The following POLD3 variants were observed in gnomAD, a reference collection of about 807,000 sequenced individuals.
POLD3 encodes the protein DNA polymerase delta 3, accessory subunit.
In POLD3, 19 loss-of-function variants were observed where a neutral mutation model predicts 58.2. That is an observed-to-expected ratio of 0.33 (90% CI 0.23 to 0.48). The LOEUF (loss-of-function observed/expected upper bound fraction) is 0.48. Among genes scored for constraint, POLD3 ranks in the 20% least tolerant of loss-of-function variants. The probability of loss-of-function intolerance (pLI) is 0.99; values close to 1 mark genes in which losing one functional copy is unlikely to be tolerated. For synonymous variants in POLD3, 172 were observed against 193.5 expected (o/e 0.89, Z 0.92); for missense variants, 504 against 545.5 (o/e 0.92, Z 0.76).
In POLD3 at chr11:74,626,664, G is replaced by A. The variant is rs572789105; in HGVS notation, c.899+1091G>A. Among the ~76,000 whole-genome samples the A allele has an allele frequency of 1.2e-4, 19 of 152,246 alleles. 1 individual carries two copies. The South Asian group carries it at 3.9e-3, about 32-fold the overall frequency. ...AAGCATTTGTTGCCTGTGTTTATGA[G>A]GTCTACAGGTCAGTTACATTCTTTT... On this transcript the variant is annotated intron_variant, in intron 8 of 11. Transcript: ENST00000263681.
Position 74,592,627 on chromosome 11 carries a change from G to T in POLD3, c.-32G>T, listed in dbSNP as rs767796500. The T allele has an allele frequency of 1.3e-5, 21 of 1,612,630 alleles. No homozygotes were observed. In the African/African-American group the frequency reaches 2.5e-4, roughly 19 times the overall value. On this transcript the variant is annotated 5_prime_UTR_variant, in exon 1 of 12. Transcript: ENST00000263681. The stretch of plus-strand genomic sequence containing the variant: ...GGAGCTGTGGCTGTGATTGAGAGAG[G>T]GGTTAGAGGCGGGTCCCAGCGCTGC...
At chr11:74,638,024 GT>G (rs1386453523) in intron 11 of POLD3, among the ~76,000 whole-genome samples, 5 of 152,092 alleles carry the variant, frequency 3.3e-5, no homozygotes, top group African/African-American at 1.2e-4. Context: ...AAATTGGGTA[GT>G]TGGGCCCCTG....
chr11:74,656,374 A>T (rs2033134109), intron 4 of POLD3, among the ~76,000 whole-genome samples: 1 of 152,284 alleles, frequency 6.6e-6, no homozygotes, highest in Non-Finnish European at 1.5e-5. Flanking sequence ...GGATCACGAG[A>T]TCAGAAGTTT....
chr11:74,592,753 A>G (rs766083203), intron 1 of POLD3, 35 bp downstream of exon 1: 1 of 1,612,538 alleles, frequency 6.2e-7, no homozygotes, highest in Admixed American at 1.7e-5. Flanking sequence ...CGGGCGTGCG[A>G]CCGGGGTCCT....
chr11:74,615,173 G>A (rs905110276), intron 5 of POLD3, among the ~76,000 whole-genome samples: 2 of 152,238 alleles, frequency 1.3e-5, no homozygotes, highest in African/African-American at 4.8e-5. Flanking sequence ...GTTCTTGTCA[G>A]TAAAGCTGAC....
intron 11 of POLD3, among the ~76,000 whole-genome samples, chr11:74,636,705 A>G (rs1024524817): frequency 4.6e-5 from 7 of 152,338 alleles, no homozygotes; most frequent in African/African-American, 1.7e-4. Flanking sequence ...AAATTTGAAC[A>G]GTGGAAAAGA....
At chr11:74,629,067 T>G in intron 8 of POLD3, 150 bp from the exon 9 acceptor site, 1 of 544,882 alleles carries the variant, frequency 1.8e-6, no homozygotes, top group Non-Finnish European at 3.2e-6. Flanking sequence ...CAGAGTATCC[T>G]TAACAAGAGT....
intron 2 of POLD3, among the ~76,000 whole-genome samples, chr11:74,599,948 T>C (rs1360463012): frequency 7.1e-6 from 1 of 140,486 alleles, no homozygotes; most frequent in Admixed American, 7.4e-5. Context: ...TATGTTGTTA[T>C]TATTATTATT....
At chr11:74,656,025 A>G (rs1030764559) in intron 4 of POLD3, among the ~76,000 whole-genome samples, 1 of 152,274 alleles carries the variant, frequency 6.6e-6, no homozygotes, top group African/African-American at 2.4e-5. Context: ...AATCTTTTGT[A>G]TATCAGCAAT....
chr11:74,637,810 T>TC (rs938883606), intron 11 of POLD3, among the ~76,000 whole-genome samples: 1 of 151,530 alleles, frequency 6.6e-6, no homozygotes, highest in Non-Finnish European at 1.5e-5. Flanking sequence ...ATTGCACTTT[T>TC]TTTTTTTTTT....
chr11:74,613,051 G>T, intron 5 of POLD3, 41 bp downstream of exon 5: 1 of 1,572,524 alleles, frequency 6.4e-7, no homozygotes, highest in Non-Finnish European at 8.6e-7. Flanking sequence ...TTTACGAATT[G>T]ATTTTGTAAG....
At chr11:74,668,728 A>G in intron 4 of POLD3, 1 of 1,261,426 alleles carries the variant, frequency 7.9e-7, no homozygotes, top group Non-Finnish European at 1.0e-6. Flanking sequence ...ATAATGGGAG[A>G]AAAGGGAAGA....
intron 7 of POLD3, among the ~76,000 whole-genome samples, chr11:74,622,177 G>A (rs995524185): frequency 1.9e-4 from 29 of 151,910 alleles, no homozygotes; most frequent in Non-Finnish European, 2.8e-4. Context: ...AATTTCATCC[G>A]TGTCCCTACA....
At chr11:74,646,729 A>G (rs182792885), downstream of POLD3, among the ~76,000 whole-genome samples, 34 of 152,358 alleles carry the variant, frequency 2.2e-4, no homozygotes, top group Non-Finnish European at 5.9e-5. Flanking sequence ...TGTTTAAGCT[A>G]TGCTACAGGT....
At position 74,618,819 on chromosome 11, in the gene POLD3, A is replaced by C. The variant is rs1161835993; in HGVS notation, c.660+15A>C. The C allele has an allele frequency of 6.2e-7, 1 of 1,601,142 alleles. No individual in the cohort carries two copies. Among genetic ancestry groups the C allele is most frequent in the African/African-American group, 1.3e-5 (1 of 74,650 alleles). On this transcript the variant is annotated intron_variant, in intron 6 of 11. Coordinates refer to ENST00000263681, the MANE Select transcript of POLD3 (RefSeq NM_006591.3). ...AAGTAACAAATGTAAGTCTTCTTTG[A>C]AGATACCCCTTCATTGCAGCTCAGA...
In POLD3 at chr11:74,623,443, T is replaced by TATAAATAA. The variant is rs1199603904; in HGVS notation, c.734-1956_734-1949dup. ...GAGAAAGACTCTGTCTCAAAAAATATATAAATAAATAAATAAGTAAATAAA... is the reference window on the plus strand; with the variant it reads ...GAGAAAGACTCTGTCTCAAAAAATATATAAATAAATAAATAAATAAATAAGTAAATAAA... On this transcript the variant is annotated intron_variant, in intron 7 of 11. Coordinates refer to ENST00000263681, the MANE Select transcript of POLD3 (RefSeq NM_006591.3). 3.3e-3 allele frequency among the ~76,000 whole-genome samples: 506 copies of TATAAATAA among 152,000 alleles called. 2 individuals carry two copies. Among genetic ancestry groups the TATAAATAA allele is most frequent in the African/African-American group, 0.011 (476 of 41,464 alleles).
chr11:74,639,204 A>T (rs552947942), intron 11 of POLD3, among the ~76,000 whole-genome samples: 1 of 152,314 alleles, frequency 6.6e-6, no homozygotes, highest in South Asian at 2.1e-4. Flanking sequence ...CTGAGTCTGA[A>T]ACTTGAGAAA....
intron 5 of POLD3, among the ~76,000 whole-genome samples, chr11:74,614,408 A>G (rs1301258455): frequency 2.6e-5 from 4 of 152,096 alleles, no homozygotes; most frequent in Admixed American, 1.3e-4. Context: ...ATGAGTCATG[A>G]CCATCAAAAA....
intron 6 of POLD3, 90 bp from the exon 7 acceptor site, chr11:74,619,927 A>C: frequency 1.1e-6 from 1 of 947,006 alleles, no homozygotes; most frequent in South Asian, 1.3e-5. Flanking sequence ...CCATCGCAAC[A>C]GTTTGCTATA....
Sources: gnomAD v4.1 joint callset for allele counts (sites outside exome capture counted in the v4.1 genomes callset) on GRCh38, gnomAD v4.1.1 for gene constraint, MANE v1.5 for transcripts, NCBI Gene and HGNC (gene_info 2026-07-23, HGNC 2026-07-21) for gene names.